The following AP1G1 variants were observed in gnomAD, a reference collection of about 807,000 sequenced individuals.
The protein encoded by AP1G1 is AP-1 complex subunit gamma-1.
AP1G1 carries 7 observed loss-of-function variants against 108.3 expected under a neutral mutation model. The ratio of observed to expected loss-of-function variants is 0.06; its 90% CI spans 0.04 to 0.12. The LOEUF is 0.12. AP1G1 is among the 10% of genes least tolerant of loss of function. The pLI is 1.00. For synonymous variants in AP1G1, 379 were observed against 353.5 expected (o/e 1.07, Z -0.81); for missense variants, 756 against 1,010.7 (o/e 0.75, Z 3.42).
intron 19 of AP1G1, 73 bp downstream of exon 19, chr16:71,745,071 T>A (rs1424233780): frequency 1.0e-5 from 16 of 1,552,698 alleles, no homozygotes; most frequent in Non-Finnish European, 1.4e-5. Context: ...TGCTGGAAAG[T>A]CTGGGTTCAG....
intron 7 of AP1G1, 33 bp from the exon 8 acceptor site, chr16:71,764,759 T>C: frequency 1.4e-6 from 2 of 1,379,874 alleles, no homozygotes; most frequent in South Asian, 2.5e-5. Flanking sequence ...TGTCAACAAA[T>C]TATGTCTCAC....
At chr16:71,798,570 T>C (rs982093975) in intron 1 of AP1G1, among the ~76,000 whole-genome samples, 4 of 151,662 alleles carry the variant, frequency 2.6e-5, no homozygotes, top group African/African-American at 7.3e-5. Context: ...TGAAAATGTC[T>C]GTGACATAAA....
At chr16:71,761,082 GCTCT>G (rs1295700752) in intron 10 of AP1G1, among the ~76,000 whole-genome samples, 4 of 152,098 alleles carry the variant, frequency 2.6e-5, no homozygotes, top group Non-Finnish European at 5.9e-5. Flanking sequence ...GTAAAACCCA[GCTCT>G]CTGCTGTTTT....
Position 71,780,757 on chromosome 16 carries a change from T to G in AP1G1, c.202-6165A>C, listed in dbSNP as rs187765681. ...AACTCTTGGGCTCAGGCCATCCTGCTGCCTCAGCCTCCCAAGTAGCTACAA... is the reference window on the plus strand; with the variant it reads ...AACTCTTGGGCTCAGGCCATCCTGCGGCCTCAGCCTCCCAAGTAGCTACAA... On this transcript the variant is annotated intron_variant, in intron 2 of 22. Coordinates refer to ENST00000299980, the MANE Select transcript of AP1G1 (RefSeq NM_001128.6). 1.4e-3 allele frequency among the ~76,000 whole-genome samples: 220 copies of G among 152,194 alleles called. 2 individuals carry two copies. The highest frequency in any genetic ancestry group is 5.0e-3 in the African/African-American group (209 of 41,554).
chr16:71,803,468 T>TGC (rs551317023), intron 1 of AP1G1, among the ~76,000 whole-genome samples: 205 of 152,316 alleles, frequency 1.3e-3, no homozygotes, highest in African/African-American at 4.3e-3. Flanking sequence ...TGCCCTTTTA[T>TGC]GCTAAAGTGT....
chr16:71,808,618 T>C (rs752725753), intron 1 of AP1G1, 145 bp downstream of exon 1: 2 of 1,289,684 alleles, frequency 1.6e-6, no homozygotes, highest in South Asian at 2.5e-5. Flanking sequence ...CGGCCTCTCC[T>C]GGCCCAGCTT....
At chr16:71,760,214 A>G (rs2031010237) in intron 10 of AP1G1, among the ~76,000 whole-genome samples, 1 of 145,216 alleles carries the variant, frequency 6.9e-6, no homozygotes, top group South Asian at 2.2e-4. Flanking sequence ...GGGTGCCACA[A>G]TAATTATTTC....
chr16:71,745,305 T>G (rs2030114805), intron 18 of AP1G1, 35 bp from the exon 19 acceptor site: 1 of 1,613,054 alleles, frequency 6.2e-7, no homozygotes, highest in Non-Finnish European at 8.5e-7. Context: ...TTCATTATTA[T>G]TTGATTTGTC....
At chr16:71,790,806 C>A (rs767059412) in intron 1 of AP1G1, among the ~76,000 whole-genome samples, 1 of 152,132 alleles carries the variant, frequency 6.6e-6, no homozygotes, top group South Asian at 2.1e-4. Flanking sequence ...AGAGGAAAAT[C>A]TTTGCAAACA....
In AP1G1 at chr16:71,808,833, C is replaced by T; in HGVS notation, c.-74G>A. On this transcript the variant is annotated 5_prime_UTR_variant, in exon 1 of 23. Coordinates refer to ENST00000299980, the MANE Select transcript of AP1G1 (RefSeq NM_001128.6). ...AGCAGTGGCAGCAGGAACCGAACAT[C>T]CAAAATGGCGGCTCCCTCGGCCTCA... 7.8e-7 allele frequency: 1 copy of T among 1,289,560 alleles called. No individual in the cohort carries two copies. The highest frequency in any genetic ancestry group is 1.5e-5 in the African/African-American group (1 of 65,978). The allele number at this position is 1,289,560 out of a possible 1,614,324, so 79.9% of individuals were successfully genotyped here.
chr16:71,778,905 A>G (rs1280350963), intron 2 of AP1G1, among the ~76,000 whole-genome samples: 1 of 152,180 alleles, frequency 6.6e-6, no homozygotes, highest in East Asian at 1.9e-4. Context: ...AATTACATGC[A>G]TCTGCCCCTT....
chr16:71,764,900 G>A (rs2031249723), intron 7 of AP1G1, among the ~76,000 whole-genome samples, 174 bp from the exon 8 acceptor site: 1 of 152,090 alleles, frequency 6.6e-6, no homozygotes. Flanking sequence ...TCTTTATTTA[G>A]AGAAGCTATA....
chr16:71,740,778 G>T (rs2045609464), intron 19 of AP1G1, among the ~76,000 whole-genome samples: 1 of 152,134 alleles, frequency 6.6e-6, no homozygotes, highest in South Asian at 2.1e-4. Flanking sequence ...ACTACTTTAG[G>T]ATAGACAGTA....
At chr16:71,796,870 T>G (rs765260851) in intron 1 of AP1G1, among the ~76,000 whole-genome samples, 1 of 151,858 alleles carries the variant, frequency 6.6e-6, no homozygotes, top group South Asian at 2.1e-4. Flanking sequence ...TCAACAGCAC[T>G]GAGATGCATA....
chr16:71,748,144 T>C, intron 16 of AP1G1, 107 bp downstream of exon 16: 1 of 1,159,002 alleles, frequency 8.6e-7, no homozygotes. Context: ...TTATTCTCTC[T>C]ACTTTTGTCT....
intron 1 of AP1G1, among the ~76,000 whole-genome samples, chr16:71,803,649 G>C (rs2032887849): frequency 6.6e-6 from 1 of 152,128 alleles, no homozygotes; most frequent in Non-Finnish European, 1.5e-5. Context: ...AAGTAAAAAT[G>C]ACACCTCATT....
intron 12 of AP1G1, among the ~76,000 whole-genome samples, chr16:71,755,336 C>A (rs535648423): frequency 2.2e-4 from 33 of 152,052 alleles, no homozygotes; most frequent in Non-Finnish European, 4.4e-4. Context: ...ACTTGGGGGG[C>A]TGAGGCAGGA....
intron 11 of AP1G1, among the ~76,000 whole-genome samples, chr16:71,757,401 A>AGGTCG (rs61679457): frequency 0.34 from 50,912 of 150,324 alleles, 9,415 homozygotes; most frequent in East Asian, 0.76. Context: ...CAGTGAGCCG[A>AGGTCG]GGTCGCACCA....
At chr16:71,739,744 C>T (rs1159656586) in intron 19 of AP1G1, among the ~76,000 whole-genome samples, 4 of 133,532 alleles carry the variant, frequency 3.0e-5, no homozygotes, top group Non-Finnish European at 6.2e-5. Context: ...GAGACTCTGT[C>T]GCAAAAAAAA....
Sources: gnomAD v4.1 joint callset for allele counts (sites outside exome capture counted in the v4.1 genomes callset) on GRCh38, gnomAD v4.1.1 for gene constraint, MANE v1.5 for transcripts, NCBI Gene and HGNC (gene_info 2026-07-23, HGNC 2026-07-21) for gene names.